SYT1: variants seen among roughly 807,000 people sequenced by gnomAD.
SYT1 encodes the protein synaptotagmin 1.
A neutral mutation model predicts 44.8 loss-of-function variants in SYT1; 8 were observed. The ratio of observed to expected loss-of-function variants is 0.18; its 90% CI spans 0.10 to 0.32. The LOEUF (loss-of-function observed/expected upper bound fraction) is 0.32. SYT1 is among the 10% of genes least tolerant of loss of function. SYT1 has a pLI of 1.00. For missense variants in SYT1, 286 were observed against 509.3 expected, an observed-to-expected ratio of 0.56 and a Z score of 4.22; for synonymous variants, 154 against 188.8, an observed-to-expected ratio of 0.82 and a Z score of 1.51.
At chr12:78,996,627 C>T (rs1870399461) in intron 2 of SYT1, among the ~76,000 whole-genome samples, 1 of 152,192 alleles carries the variant, frequency 6.6e-6, no homozygotes, top group African/African-American at 2.4e-5. Context: ...CTAAACATCA[C>T]ATCAAACAGC....
chr12:78,949,378 G>T (rs1250010479), intron 1 of SYT1, among the ~76,000 whole-genome samples: 4 of 151,506 alleles, frequency 2.6e-5, no homozygotes, highest in African/African-American at 9.7e-5. Flanking sequence ...ACTAACTTCT[G>T]TGCAGGTCAA....
chr12:79,184,394 C>T (rs1179359883), intron 3 of SYT1, among the ~76,000 whole-genome samples: 1 of 152,004 alleles, frequency 6.6e-6, no homozygotes, highest in Non-Finnish European at 1.5e-5. Context: ...CCTCACTTAA[C>T]CTTTCAAGGG....
At chr12:78,940,495 T>G (rs1878290618) in intron 1 of SYT1, among the ~76,000 whole-genome samples, 1 of 152,092 alleles carries the variant, frequency 6.6e-6, no homozygotes, top group African/African-American at 2.4e-5. Context: ...GCTCAAGTGA[T>G]CCTCCTGCCT....
At chr12:78,902,679 A>G (rs897037633) in intron 1 of SYT1, among the ~76,000 whole-genome samples, 2 of 152,202 alleles carry the variant, frequency 1.3e-5, no homozygotes, top group Non-Finnish European at 2.9e-5. Flanking sequence ...AAATAAATAT[A>G]CAAAATCAAA....
intron 9 of SYT1, among the ~76,000 whole-genome samples, 198 bp from the exon 10 acceptor site, chr12:79,443,875 A>G (rs555753680): frequency 5.9e-5 from 9 of 152,330 alleles, no homozygotes; most frequent in African/African-American, 2.2e-4. Context: ...AAATCAAACT[A>G]TAAATATTGA....
At chr12:79,032,778 CA>C (rs1306991375) in intron 2 of SYT1, among the ~76,000 whole-genome samples, 1 of 151,262 alleles carries the variant, frequency 6.6e-6, no homozygotes, top group Non-Finnish European at 1.5e-5. Flanking sequence ...GTAAGAAAGA[CA>C]GTTTCTTTTC....
At chr12:79,001,774 A>G (rs1324218359) in intron 2 of SYT1, among the ~76,000 whole-genome samples, 1 of 152,168 alleles carries the variant, frequency 6.6e-6, no homozygotes, top group Non-Finnish European at 1.5e-5. Context: ...CAGATTTTAA[A>G]ATACTCTCTT....
intron 4 of SYT1, among the ~76,000 whole-genome samples, chr12:79,279,476 T>C (rs952569401): frequency 6.6e-6 from 1 of 151,888 alleles, no homozygotes; most frequent in Non-Finnish European, 1.5e-5. Flanking sequence ...CTCCACAAAC[T>C]AGGAATAGAA....
intron 4 of SYT1, among the ~76,000 whole-genome samples, chr12:79,221,786 A>AT (rs761093976): frequency 3.3e-5 from 5 of 151,962 alleles, no homozygotes; most frequent in African/African-American, 4.8e-5. Flanking sequence ...ATTATTTTTA[A>AT]TTGTTTTGCC....
chr12:78,917,901 T>C (rs977714273), intron 1 of SYT1, among the ~76,000 whole-genome samples: 1 of 152,098 alleles, frequency 6.6e-6, no homozygotes, highest in African/African-American at 2.4e-5. Flanking sequence ...CTAAAAGTCA[T>C]ACATCAATAA....
chr12:78,920,433 A>G (rs1215309688), intron 1 of SYT1, among the ~76,000 whole-genome samples: 1 of 152,014 alleles, frequency 6.6e-6, no homozygotes, highest in East Asian at 1.9e-4. Context: ...ATGAATGCAC[A>G]GTATGGGTTA....
intron 9 of SYT1, chr12:79,392,845 T>G (rs1884719665): frequency 6.7e-6 from 1 of 150,084 alleles, no homozygotes; most frequent in African/African-American, 2.5e-5. Flanking sequence ...AGGTTACATG[T>G]GCACAACGTG....
intron 9 of SYT1, among the ~76,000 whole-genome samples, chr12:79,365,284 A>G (rs777615240): frequency 1.3e-5 from 2 of 152,104 alleles, no homozygotes; most frequent in African/African-American, 2.4e-5. Flanking sequence ...CTTTGGGCCA[A>G]CATATAGATC....
intron 9 of SYT1, among the ~76,000 whole-genome samples, chr12:79,418,323 G>A (rs189775466): frequency 2.0e-4 from 30 of 152,250 alleles, no homozygotes; most frequent in Admixed American, 5.9e-4. Context: ...AATGTCCACT[G>A]GATGGAAGGT....
Position 79,439,897 on chromosome 12 carries a change from G to GTTTC in SYT1, c.929-4176_929-4175insTTTC, listed in dbSNP as rs1870307686. ...CAAAGAGCAGCAGGTTTGGAGTCAG[G>GTTTC]ATAGACTGGCTTGAATTCTTTAAAA... On this transcript the variant is annotated intron_variant, in intron 9 of 10. Transcript: ENST00000261205. 1.8e-4 allele frequency among the ~76,000 whole-genome samples: 26 copies of GTTTC among 141,920 alleles called. No homozygotes were observed. The South Asian group carries it at 6.0e-3, about 33-fold the overall frequency. The allele number at this position is 141,920 out of a possible 152,430, so 93.1% of individuals were successfully genotyped here. A position where few individuals can be genotyped will look rare whatever the true frequency, so the allele number is the denominator to read the frequency against.
At chr12:79,405,566 C>A (rs1211031761) in intron 9 of SYT1, among the ~76,000 whole-genome samples, 1 of 152,098 alleles carries the variant, frequency 6.6e-6, no homozygotes, top group Non-Finnish European at 1.5e-5. Context: ...ATCATAGACC[C>A]CTGCCCTCAA....
intron 2 of SYT1, among the ~76,000 whole-genome samples, chr12:79,030,981 C>T (rs10506804): frequency 0.029 from 4,390 of 151,092 alleles, 217 homozygotes; most frequent in African/African-American, 0.1. Context: ...TGCGTACTCA[C>T]TCCCAACAAC....
intron 3 of SYT1, among the ~76,000 whole-genome samples, chr12:79,063,792 C>A (rs1875559605): frequency 6.6e-6 from 1 of 152,096 alleles, no homozygotes. Flanking sequence ...AGGTACACTA[C>A]CCTCCTCTAT....
At chr12:79,178,975 G>GATATAA (rs59317314) in intron 3 of SYT1, among the ~76,000 whole-genome samples, 1 of 89,020 alleles carries the variant, frequency 1.1e-5, no homozygotes, top group Non-Finnish European at 2.0e-5. Context: ...TAGATATATA[G>GATATAA]ATATAGATAT....
Sources: gnomAD v4.1 joint callset for allele counts (sites outside exome capture counted in the v4.1 genomes callset) on GRCh38, gnomAD v4.1.1 for gene constraint, MANE v1.5 for transcripts, NCBI Gene and HGNC (gene_info 2026-07-23, HGNC 2026-07-21) for gene names.